ADGRL3: variants seen among roughly 807,000 people sequenced by gnomAD.
ADGRL3 encodes calcium-independent alpha-latrotoxin receptor 3.
A neutral mutation model predicts 153.5 loss-of-function variants in ADGRL3; 62 were observed. That is an observed-to-expected ratio of 0.40 (90% CI 0.33 to 0.50). The LOEUF is 0.50. Among genes scored for constraint, ADGRL3 ranks in the 20% least tolerant of loss-of-function variants. ADGRL3 has a pLI of 0.47. For synonymous variants in ADGRL3, 710 were observed against 672.5 expected, an observed-to-expected ratio of 1.06 and a Z score of -0.86; for missense variants, 1,641 against 1,859.4, an observed-to-expected ratio of 0.88 and a Z score of 2.16.
At chr4:61,536,563 T>G (rs994914556) in intron 4 of ADGRL3, among the ~76,000 whole-genome samples, 2 of 152,126 alleles carry the variant, frequency 1.3e-5, no homozygotes, top group African/African-American at 4.8e-5. Flanking sequence ...GGTGCTCTGG[T>G]GTTGGGTGCA....
chr4:61,400,641 T>A (rs2096918914), intron 2 of ADGRL3, among the ~76,000 whole-genome samples: 1 of 151,810 alleles, frequency 6.6e-6, no homozygotes, highest in East Asian at 1.9e-4. Flanking sequence ...TGGGGAAAAC[T>A]ATCAATGTTA....
At chr4:61,871,089 T>A (rs181597444) in intron 9 of ADGRL3, among the ~76,000 whole-genome samples, 1 of 151,476 alleles carries the variant, frequency 6.6e-6, no homozygotes, top group Non-Finnish European at 1.5e-5. Flanking sequence ...CCATCCTGGC[T>A]AACACGGTGA....
At chr4:61,515,580 A>T (rs960516336) in intron 3 of ADGRL3, among the ~76,000 whole-genome samples, 8 of 152,166 alleles carry the variant, frequency 5.3e-5, no homozygotes, top group Admixed American at 2.0e-4. Context: ...GAACTCAATA[A>T]ATATTTGTTG....
chr4:61,514,950 T>C (rs2098483990), intron 3 of ADGRL3, among the ~76,000 whole-genome samples: 1 of 152,208 alleles, frequency 6.6e-6, no homozygotes, highest in African/African-American at 2.4e-5. Context: ...AAATCAATTG[T>C]CATTCTTTGC....
intron 6 of ADGRL3, among the ~76,000 whole-genome samples, chr4:61,687,918 A>T (rs938568411): frequency 1.3e-5 from 2 of 152,044 alleles, no homozygotes; most frequent in African/African-American, 4.8e-5. Context: ...CCAATATTTC[A>T]TGAAAACTTA....
In ADGRL3 at chr4:61,909,763, G is replaced by A. The variant is rs1455004701; in HGVS notation, c.2073+18G>A. On this transcript the variant is annotated intron_variant, in intron 12 of 26. Transcript: ENST00000683033. The stretch of plus-strand genomic sequence containing the variant: ...TGAACAAGGTAAGGACCCTAATTAT[G>A]TGTGTGTGTGTGTGTGTGTGTGTGT... 18 of 118,806 alleles carry A rather than the reference G, an allele frequency of 1.5e-4. No individual in the cohort carries two copies. The highest frequency in any genetic ancestry group is 2.1e-4 in the Non-Finnish European group (17 of 81,384). 7.4% of individuals were successfully genotyped at this position (118,806 alleles called of 1,614,324 possible).
At chr4:61,673,627 A>G (rs1212293983) in intron 5 of ADGRL3, among the ~76,000 whole-genome samples, 5 of 151,426 alleles carry the variant, frequency 3.3e-5, no homozygotes, top group Non-Finnish European at 4.4e-5. Flanking sequence ...TTTAACTCAC[A>G]GTAACTGAAG....
intron 9 of ADGRL3, among the ~76,000 whole-genome samples, chr4:61,819,925 T>G (rs2097732071): frequency 6.6e-6 from 1 of 152,148 alleles, no homozygotes; most frequent in Non-Finnish European, 1.5e-5. Context: ...AATCACATTC[T>G]AACCCCCTTC....
chr4:61,959,676 G>C (rs1044814043), intron 17 of ADGRL3, among the ~76,000 whole-genome samples: 5 of 152,002 alleles, frequency 3.3e-5, no homozygotes, highest in Admixed American at 6.6e-5. Flanking sequence ...ACATTGTAAG[G>C]CTCTACCGTT....
chr4:61,516,268 A>T (rs1560767105), intron 3 of ADGRL3, among the ~76,000 whole-genome samples: 1 of 152,134 alleles, frequency 6.6e-6, no homozygotes, highest in African/African-American at 2.4e-5. Context: ...TGATCATAAA[A>T]TTCTCTTGCA....
intron 9 of ADGRL3, among the ~76,000 whole-genome samples, chr4:61,815,027 G>A (rs1307118062): frequency 6.6e-6 from 1 of 152,102 alleles, no homozygotes; most frequent in African/African-American, 2.4e-5. Context: ...CTCATACAAT[G>A]ATTTCTAAGG....
intron 2 of ADGRL3, among the ~76,000 whole-genome samples, chr4:61,432,095 T>G (rs965025428): frequency 5.9e-5 from 9 of 152,182 alleles, no homozygotes; most frequent in African/African-American, 1.9e-4. Context: ...CCTGAATTAG[T>G]GTAAGACCAG....
At chr4:61,729,998 A>G (rs190037646) in intron 6 of ADGRL3, among the ~76,000 whole-genome samples, 179 of 152,110 alleles carry the variant, frequency 1.2e-3, no homozygotes, top group African/African-American at 4.1e-3. Flanking sequence ...TCAAATACTA[A>G]TGAGCGGGAG....
At chr4:61,867,540 A>ATATATATATATATATATAT (rs201200813) in intron 9 of ADGRL3, among the ~76,000 whole-genome samples, 319 of 131,746 alleles carry the variant, frequency 2.4e-3, no homozygotes, top group Middle Eastern at 4.1e-3. Flanking sequence ...ATATATATAT[A>ATATATATATATATATATAT]ATTGTAGGAG....
rs766537053 is a variant in ADGRL3, at chr4:61,983,547, A to G, written c.3180A>G (p.Ala1060=). The change falls in exon 19 of 27, where the codon GCA becomes GCG. Residue 1060 remains alanine, a synonymous_variant. Coordinates refer to ENST00000683033, the MANE Select transcript of ADGRL3 (RefSeq NM_001387552.1). ...YFYLVGYGMP[A]LIVAVSAAVD... Reference sequence around the variant, plus strand: ...ATCTGGTCGGCTATGGGATGCCTGCACTCATTGTGGCTGTGTCAGCTGCAG... The same window carrying G: ...ATCTGGTCGGCTATGGGATGCCTGCGCTCATTGTGGCTGTGTCAGCTGCAG... 59 of 1,613,822 alleles carry G rather than the reference A, an allele frequency of 3.7e-5. No homozygotes were observed. The highest frequency in any genetic ancestry group is 5.5e-5 in the South Asian group (5 of 91,090).
At chr4:61,932,172 C>CTAT (rs369304367) in intron 13 of ADGRL3, among the ~76,000 whole-genome samples, 1 of 151,742 alleles carries the variant, frequency 6.6e-6, no homozygotes, top group Admixed American at 6.6e-5. Context: ...GTTTGGATGC[C>CTAT]TATTATTATT....
chr4:61,522,844 G>C (rs1057016675), intron 4 of ADGRL3, among the ~76,000 whole-genome samples: 1 of 152,066 alleles, frequency 6.6e-6, no homozygotes, highest in Non-Finnish European at 1.5e-5. Flanking sequence ...CAATTTACCA[G>C]ACGAACATGC....
intron 17 of ADGRL3, among the ~76,000 whole-genome samples, chr4:61,977,856 G>A (rs1264190262): frequency 6.6e-6 from 1 of 151,984 alleles, no homozygotes; most frequent in Non-Finnish European, 1.5e-5. Context: ...GGTGTATTGT[G>A]TGATGCTGAA....
chr4:61,523,059 G>GTA (rs1491420879), intron 4 of ADGRL3, among the ~76,000 whole-genome samples: 1 of 8,614 alleles, frequency 1.2e-4, no homozygotes, highest in South Asian at 6.8e-3. Flanking sequence ...AAAATTGTGC[G>GTA]TGTGTGTGTG....
Sources: gnomAD v4.1 joint callset for allele counts (sites outside exome capture counted in the v4.1 genomes callset) on GRCh38, gnomAD v4.1.1 for gene constraint, MANE v1.5 for transcripts, NCBI Gene and HGNC (gene_info 2026-07-23, HGNC 2026-07-21) for gene names.